The following COG5 variants were observed in gnomAD, a reference collection of about 807,000 sequenced individuals.
COG5 encodes component of oligomeric golgi complex 5.
Under a neutral mutation model 110.4 loss-of-function variants are expected in COG5, and 86 were observed. That is an observed-to-expected ratio of 0.78 (90% confidence interval 0.65 to 0.93). COG5 has a LOEUF of 0.93. COG5 is among the 40% of genes least tolerant of loss of function. The pLI, the probability that COG5 is intolerant of heterozygous loss-of-function variation, is 0.00. For synonymous variants in COG5, 360 were observed against 334.6 expected, an observed-to-expected ratio of 1.08 and a Z score of -0.83; for missense variants, 1,077 against 987.0, an observed-to-expected ratio of 1.09 and a Z score of -1.22.
chr7:107,365,719 A>G (rs1363741361), intron 8 of COG5, among the ~76,000 whole-genome samples: 1 of 151,954 alleles, frequency 6.6e-6, no homozygotes, highest in Non-Finnish European at 1.5e-5. Context: ...AGTGAGATGA[A>G]GAAAAAAAAA....
chr7:107,390,326 G>A (rs936881700), intron 7 of COG5, among the ~76,000 whole-genome samples: 3 of 152,108 alleles, frequency 2.0e-5, no homozygotes, highest in South Asian at 2.1e-4. Context: ...CCAAAAATGT[G>A]TCTAATGAAC....
rs1800845136 is a variant in COG5 at position 107,527,317 on chromosome 7, T to C, written c.458A>G (p.Asn153Ser). Reference sequence around the variant, plus strand: ...TTGTCCTTGGAGTCTCTTACTGAGATTCAAGATACGAATAATCCTCCGAAG... The same window carrying C: ...TTGTCCTTGGAGTCTCTTACTGAGACTCAAGATACGAATAATCCTCCGAAG... ...DLLRRIIRIL[N>S]LSKRLQGQLQ... The change falls in exon 6 of 22, where the codon AAT becomes AGT. Residue 153 changes from asparagine (N) to serine (S), a missense_variant. Transcript: ENST00000297135. The C allele has an allele frequency of 1.9e-6, 3 of 1,613,258 alleles. No homozygotes were observed. Among genetic ancestry groups the C allele is most frequent in the Admixed American group, 3.3e-5 (2 of 59,948 alleles).
intron 10 of COG5, among the ~76,000 whole-genome samples, chr7:107,341,639 T>C (rs551049551): frequency 1.2e-4 from 19 of 152,174 alleles, no homozygotes; most frequent in Admixed American, 1.1e-3. Flanking sequence ...AGTACAAGGC[T>C]ATGGTAAGCA....
At chr7:107,521,699 T>C (rs1800328839) in intron 6 of COG5, among the ~76,000 whole-genome samples, 1 of 152,186 alleles carries the variant, frequency 6.6e-6, no homozygotes, top group Admixed American at 6.6e-5. Context: ...TGTAAATTAG[T>C]TCAACAGTTG....
intron 14 of COG5, among the ~76,000 whole-genome samples, chr7:107,264,417 C>G (rs1803627185): frequency 6.6e-6 from 1 of 151,698 alleles, no homozygotes; most frequent in Admixed American, 6.6e-5. Context: ...ATGGAGCAGG[C>G]CACGGTGGCT....
At chr7:107,522,531 C>T (rs889374104) in intron 6 of COG5, among the ~76,000 whole-genome samples, 7 of 151,796 alleles carry the variant, frequency 4.6e-5, no homozygotes, top group African/African-American at 7.3e-5. Context: ...ACCACCATGG[C>T]GCATGTATAA....
chr7:107,341,684 C>T (rs567511252), intron 10 of COG5, among the ~76,000 whole-genome samples: 2 of 151,960 alleles, frequency 1.3e-5, no homozygotes, highest in Non-Finnish European at 2.9e-5. Context: ...ACATACAGAC[C>T]AATGGAACAG....
At chr7:107,522,765 C>T (rs755006129) in intron 6 of COG5, among the ~76,000 whole-genome samples, 1 of 152,080 alleles carries the variant, frequency 6.6e-6, no homozygotes, top group Non-Finnish European at 1.5e-5. Flanking sequence ...CACTGTTTTG[C>T]ATATTGAGAT....
intron 11 of COG5, among the ~76,000 whole-genome samples, chr7:107,311,151 T>C (rs533074619): frequency 7.2e-4 from 110 of 152,286 alleles, no homozygotes; most frequent in Middle Eastern, 6.8e-3. Flanking sequence ...TCGGGGTAAA[T>C]GAGTAGCTGC....
chr7:107,467,263 T>C (rs536769004), intron 6 of COG5, among the ~76,000 whole-genome samples: 7 of 152,284 alleles, frequency 4.6e-5, no homozygotes, highest in African/African-American at 1.7e-4. Context: ...GGTTAGTATA[T>C]AAAGGTTATA....
At chr7:107,374,917 T>C (rs1249848348) in intron 7 of COG5, among the ~76,000 whole-genome samples, 2 of 152,006 alleles carry the variant, frequency 1.3e-5, no homozygotes, top group Non-Finnish European at 2.9e-5. Context: ...CAGAGGAGTA[T>C]GCTAATTATG....
chr7:107,547,931 T>C (rs1802567148), intron 5 of COG5, 180 bp downstream of exon 5: 1 of 616,126 alleles, frequency 1.6e-6, no homozygotes, highest in Non-Finnish European at 2.9e-6. Flanking sequence ...TGAAAAGAAT[T>C]TGCTTTAGAT....
At chr7:107,500,466 G>A (rs1183183303) in intron 6 of COG5, among the ~76,000 whole-genome samples, 1 of 152,052 alleles carries the variant, frequency 6.6e-6, no homozygotes, top group Non-Finnish European at 1.5e-5. Context: ...TTCTTCATGT[G>A]CCCACGAAAA....
intron 6 of COG5, among the ~76,000 whole-genome samples, chr7:107,511,817 C>T (rs1425520880): frequency 9.2e-5 from 14 of 152,164 alleles, no homozygotes; most frequent in Non-Finnish European, 2.1e-4. Context: ...TCAATAGATG[C>T]AGAAAAGGCC....
At chr7:107,374,700 C>G (rs1233481224) in intron 7 of COG5, among the ~76,000 whole-genome samples, 1 of 151,898 alleles carries the variant, frequency 6.6e-6, no homozygotes, top group South Asian at 2.1e-4. Flanking sequence ...ACAAATATAG[C>G]TCATCATTAA....
intron 6 of COG5, among the ~76,000 whole-genome samples, chr7:107,499,416 T>A (rs1166955087): frequency 6.6e-6 from 1 of 151,878 alleles, no homozygotes; most frequent in Non-Finnish European, 1.5e-5. Context: ...AAATTTTTTT[T>A]TTTTTTTGAG....
At chr7:107,336,899 G>A (rs967823346) in intron 10 of COG5, among the ~76,000 whole-genome samples, 15 of 152,146 alleles carry the variant, frequency 9.9e-5, no homozygotes, top group African/African-American at 4.8e-5. Flanking sequence ...GACCGCCTGG[G>A]AGCCAGAAGG....
chr7:107,309,019 A>C (rs1376699856), intron 11 of COG5, among the ~76,000 whole-genome samples: 1 of 152,066 alleles, frequency 6.6e-6, no homozygotes, highest in Non-Finnish European at 1.5e-5. Flanking sequence ...TTAAAATGGG[A>C]AATCATGTGG....
intron 19 of COG5, among the ~76,000 whole-genome samples, chr7:107,215,200 AC>A (rs1410911850): frequency 1.3e-5 from 2 of 152,182 alleles, no homozygotes; most frequent in African/African-American, 4.8e-5. Context: ...ACTACAGAAA[AC>A]AATCAGACCA....
Sources: allele counts gnomAD v4.1 joint callset (sites outside exome capture counted in the v4.1 genomes callset), GRCh38; gene constraint gnomAD v4.1.1; transcripts MANE v1.5; gene names NCBI Gene and HGNC (gene_info 2026-07-23, HGNC 2026-07-21).